Variants in LINC00632 observed in about 807,000 individuals in gnomAD.
The protein encoded by LINC00632 is ALDOA related specific transcript.
At chrX:140,756,428 C>T (rs111416311) in intron 3 of LINC00632, among the ~76,000 whole-genome samples, 6 of 112,061 alleles carry the variant, frequency 5.4e-5, no homozygotes, top group African/African-American at 1.6e-4. Context: ...ACCTGCACAG[C>T]TTCATTTTAT....
chrX:140,723,744 CATTCCATACACACACAT>C (rs1930813815), intron 2 of LINC00632, among the ~76,000 whole-genome samples: 1 of 8,158 alleles, frequency 1.2e-4, no homozygotes, highest in East Asian at 5.7e-3. Context: ...CACACACACA[CATTCCATACACACACAT>C]ATTCCATACA....
intron 3 of LINC00632, among the ~76,000 whole-genome samples, chrX:140,761,727 G>C (rs769867051): frequency 2.7e-5 from 3 of 112,539 alleles, no homozygotes; most frequent in East Asian, 2.8e-4. Flanking sequence ...AACATGTTTA[G>C]ATAAACATTA....
rs139205249 is a variant in LINC00632, at chrX:140,722,727, C to T, written n.104+11071C>T. Among the ~76,000 whole-genome samples, 581 of 111,361 alleles carry T rather than the reference C, an allele frequency of 5.2e-3. 3 individuals carry two copies. Among genetic ancestry groups the T allele is most frequent in the African/African-American group, 0.018 (549 of 30,722 alleles). ...CCCCGCAACTCATGAAAATACTCCACACCCAACAAACCTTCCCCCAACACA... is the reference window on the plus strand; with the variant it reads ...CCCCGCAACTCATGAAAATACTCCATACCCAACAAACCTTCCCCCAACACA... On this transcript the variant is annotated intron_variant and non_coding_transcript_variant, in intron 2 of 4. Transcript: ENST00000648200.
At chrX:140,748,766 A>G (rs946495894) in intron 3 of LINC00632, among the ~76,000 whole-genome samples, 1 of 106,794 alleles carries the variant, frequency 9.4e-6, no homozygotes, top group African/African-American at 3.4e-5. Flanking sequence ...ATAAACACAC[A>G]TTATAAAATA....
exon 5 of LINC00632, chrX:140,784,569 T>C: frequency 2.1e-6 from 1 of 480,319 alleles, no homozygotes; most frequent in Non-Finnish European, 3.6e-6. Flanking sequence ...CTACCCAGTC[T>C]TCCATCAACT....
chrX:140,788,814 C>CCATATATACACATATATG (rs1932060216), exon 5 of LINC00632, among the ~76,000 whole-genome samples: 2 of 66,000 alleles, frequency 3.0e-5, no homozygotes, highest in African/African-American at 1.3e-4. Context: ...ATATATGTAT[C>CCATATATACACATATATG]TATATTCCAT....
chrX:140,742,108 A>G (rs1029479901), intron 3 of LINC00632, among the ~76,000 whole-genome samples: 10 of 111,702 alleles, frequency 9.0e-5, no homozygotes, highest in African/African-American at 3.3e-4. Flanking sequence ...CTTCTAATCT[A>G]TCTTTACAGT....
intron 2 of LINC00632, among the ~76,000 whole-genome samples, chrX:140,732,102 G>A (rs753274529): frequency 9.0e-6 from 1 of 111,204 alleles, no homozygotes; most frequent in East Asian, 2.8e-4. Context: ...TACTTGGGAG[G>A]CTGAGGCAGG....
chrX:140,740,013 A>G (rs1253025743), intron 3 of LINC00632, among the ~76,000 whole-genome samples: 1 of 112,077 alleles, frequency 8.9e-6, no homozygotes, highest in Non-Finnish European at 1.9e-5. Context: ...CTCTTAAATA[A>G]CATTTCATTA....
chrX:140,749,333 A>G (rs910319289), intron 3 of LINC00632, among the ~76,000 whole-genome samples: 1 of 112,218 alleles, frequency 8.9e-6, no homozygotes, highest in Non-Finnish European at 1.9e-5. Context: ...GAATTTGCCA[A>G]AAACATTCTG....
At chrX:140,737,454 T>C (rs1436675177) in intron 3 of LINC00632, among the ~76,000 whole-genome samples, 3 of 111,850 alleles carry the variant, frequency 2.7e-5, no homozygotes, top group Non-Finnish European at 5.6e-5. Flanking sequence ...TTATCATTTC[T>C]CTGTGTTAGG....
intron 3 of LINC00632, among the ~76,000 whole-genome samples, chrX:140,736,839 A>G (rs1931152797): frequency 9.0e-6 from 1 of 110,725 alleles, no homozygotes; most frequent in Non-Finnish European, 1.9e-5. Context: ...GGTAGAAAGT[A>G]TAAAGGTTAT....
rs778470668 is a variant in LINC00632, at chrX:140,754,643, G to GCT, written n.192-17433_192-17432dup. ...GTCTGTTTTCAGAGGGGAAAATGGA[G>GCT]CTCAAGGAGTGTGGCTATCTCCTAG... On this transcript the variant is annotated intron_variant and non_coding_transcript_variant, in intron 3 of 4. Transcript: ENST00000648200. 2.1e-3 allele frequency among the ~76,000 whole-genome samples: 239 copies of GCT among 111,257 alleles called. 1 individual carries two copies. The highest frequency in any genetic ancestry group is 7.2e-3 in the African/African-American group (222 of 30,715).
chrX:140,746,431 G>A (rs1931327920), intron 3 of LINC00632, among the ~76,000 whole-genome samples: 1 of 111,897 alleles, frequency 8.9e-6, no homozygotes, highest in Admixed American at 9.6e-5. Flanking sequence ...TAAAAAGTGC[G>A]ATATATTCTT....
chrX:140,790,302 AG>A (rs1371555459), exon 5 of LINC00632, among the ~76,000 whole-genome samples: 1 of 105,276 alleles, frequency 9.5e-6, no homozygotes, highest in Non-Finnish European at 2.0e-5. Context: ...AGAGAGAGTC[AG>A]TTTTTTTCAA....
At chrX:140,736,436 C>CTTTTT (rs748293491) in intron 3 of LINC00632, among the ~76,000 whole-genome samples, 12 of 50,053 alleles carry the variant, frequency 2.4e-4, no homozygotes, top group African/African-American at 5.7e-4. Flanking sequence ...TCTTCTTCTT[C>CTTTTT]TTTTTTTTTT....
intron 2 of LINC00632, among the ~76,000 whole-genome samples, chrX:140,722,644 G>C (rs1930748874): frequency 9.0e-6 from 1 of 110,756 alleles, no homozygotes; most frequent in Non-Finnish European, 1.9e-5. Flanking sequence ...CACAAAACCA[G>C]ACACGCCTTA....
chrX:140,758,320 C>G (rs981442152), intron 3 of LINC00632, among the ~76,000 whole-genome samples: 1 of 107,618 alleles, frequency 9.3e-6, no homozygotes, highest in Non-Finnish European at 1.9e-5. Context: ...GCAGATTTTT[C>G]TAGAATATGT....
rs182143355 is a variant in LINC00632, at chrX:140,710,266, T to A, written n.68+461T>A. Among the ~76,000 whole-genome samples the A allele has an allele frequency of 2.9e-4, 32 of 112,089 alleles. 1 individual carries two copies. The highest frequency in any genetic ancestry group is 4.8e-4 in the Admixed American group (5 of 10,508). ...AAAAGGATACGATGCCTCATTTTTT[T>A]AAATTAAGAAAGTCGTGTGACGGGA... is the stretch of plus-strand genomic sequence containing the variant. On this transcript the variant is annotated intron_variant and non_coding_transcript_variant, in intron 1 of 4. Transcript: ENST00000648200.
Sources: gnomAD v4.1 joint callset for allele counts (sites outside exome capture counted in the v4.1 genomes callset) on GRCh38, gnomAD v4.1.1 for gene constraint, MANE v1.5 for transcripts, NCBI Gene and HGNC (gene_info 2026-07-23, HGNC 2026-07-21) for gene names.